Variants in CDK13 observed in about 807,000 individuals in gnomAD.
CDK13 encodes the protein cyclin dependent kinase 13.
Under a neutral mutation model 137.6 loss-of-function variants are expected in CDK13, and 40 were observed. The observed-to-expected ratio is 0.29, with a 90% CI of 0.23 to 0.38. The LOEUF is 0.38. Ranked by LOEUF, CDK13 falls within the 10% of genes least tolerant of loss-of-function variation. CDK13 has a pLI of 1.00. For missense variants in CDK13, 1,704 were observed against 1,951.8 expected (o/e 0.87, Z 2.39); for synonymous variants, 869 against 760.1 (o/e 1.14, Z -2.36).
chr7:40,032,999 G>C lies in CDK13; in HGVS notation c.2354-12837G>C, dbSNP rs148045671. ...TTGGGAAAGAACTGACGTCTTGACA[G>C]TGTGGAGTCTGTCTATGTGCATGGC... On this transcript the variant is annotated intron_variant, in intron 5 of 13. Coordinates refer to ENST00000181839, the MANE Select transcript of CDK13 (RefSeq NM_003718.5). Among the ~76,000 whole-genome samples the C allele has an allele frequency of 2.6e-5, 4 of 152,310 alleles. No individual in the cohort carries two copies. In the East Asian group the frequency reaches 7.7e-4, roughly 29 times the overall value.
At chr7:40,090,398 G>T (rs1786894792) in intron 12 of CDK13, among the ~76,000 whole-genome samples, 1 of 152,042 alleles carries the variant, frequency 6.6e-6, no homozygotes, top group Admixed American at 6.5e-5. Context: ...CTGTCACCCA[G>T]GCTGGAGTAC....
chr7:40,045,791 G>T (rs1328770405), intron 5 of CDK13, 45 bp from the exon 6 acceptor site: 1 of 1,297,130 alleles, frequency 7.7e-7, no homozygotes, highest in Non-Finnish European at 1.1e-6. Flanking sequence ...TTATGGAAAG[G>T]TTGTAGGAAT....
intron 1 of CDK13, among the ~76,000 whole-genome samples, chr7:39,975,270 C>T (rs536610735): frequency 5.3e-5 from 8 of 152,050 alleles, no homozygotes; most frequent in South Asian, 2.1e-4. Flanking sequence ...AAAAATTTGC[C>T]GGGCCTGGTG....
rs145754929 is a variant in CDK13, at chr7:39,960,130, T to A, written c.1211+8278T>A. The stretch of plus-strand genomic sequence containing the variant: ...GTCCATACATTTATCTTGGAATGCT[T>A]TGTTAGTTCTGCTTGCTTTTAGATT... On this transcript the variant is annotated intron_variant, in intron 1 of 13. Transcript: ENST00000181839. 2.1e-3 allele frequency among the ~76,000 whole-genome samples: 326 copies of A among 152,088 alleles called. 1 individual carries two copies. Among genetic ancestry groups the A allele is most frequent in the African/African-American group, 7.4e-3 (308 of 41,528 alleles).
At position 40,083,595 on chromosome 7, in the gene CDK13, T is replaced by C. The variant is rs60863688; in HGVS notation, c.3030-4531T>C. On this transcript the variant is annotated intron_variant, in intron 11 of 13. Coordinates refer to ENST00000181839, the MANE Select transcript of CDK13 (RefSeq NM_003718.5). ...ACTTGGAACTATAGGTTTATCCCACTCAATTTATGGGAAATGCCTACCTTA... is the reference window on the plus strand; with the variant it reads ...ACTTGGAACTATAGGTTTATCCCACCCAATTTATGGGAAATGCCTACCTTA... Among the ~76,000 whole-genome samples, 173 of 152,334 alleles carry C rather than the reference T, an allele frequency of 1.1e-3. 4 individuals are homozygous for C. The East Asian group carries it at 0.028, about 25-fold the overall frequency.
intron 7 of CDK13, among the ~76,000 whole-genome samples, chr7:40,057,505 T>G (rs1282510808): frequency 6.6e-6 from 1 of 152,094 alleles, no homozygotes; most frequent in Non-Finnish European, 1.5e-5. Context: ...TGGAGAGCAC[T>G]TGGTCATGTG....
At chr7:40,020,911 T>A (rs1485178468) in intron 5 of CDK13, among the ~76,000 whole-genome samples, 1 of 151,426 alleles carries the variant, frequency 6.6e-6, no homozygotes, top group Non-Finnish European at 1.5e-5. Flanking sequence ...GCCAACATGG[T>A]GAAACACCAT....
chr7:39,993,795 A>G (rs554428481), intron 2 of CDK13, among the ~76,000 whole-genome samples: 1 of 152,096 alleles, frequency 6.6e-6, no homozygotes, highest in Admixed American at 6.5e-5. Flanking sequence ...TATTTAGGTA[A>G]TTTTTATAGG....
chr7:39,978,342 GT>G (rs1407359865), intron 1 of CDK13, among the ~76,000 whole-genome samples: 3 of 151,542 alleles, frequency 2.0e-5, no homozygotes, highest in East Asian at 3.9e-4. Context: ...AGACAGTGAC[GT>G]TTTTTTCTTT....
At chr7:40,073,663 C>T (rs1423761076) in intron 9 of CDK13, 4 of 151,342 alleles carry the variant, frequency 2.6e-5, no homozygotes, top group African/African-American at 9.7e-5. Context: ...GCAATCTCGG[C>T]TCACTGCAAC....
rs201619753 is a variant in CDK13, at chr7:40,094,204, C to T, written c.3763C>T (p.Leu1255=). The T allele has an allele frequency of 2.9e-5, 47 of 1,613,868 alleles. No homozygotes were observed. In the African/African-American group the frequency reaches 5.2e-4, roughly 18 times the overall value. ...GCCAGAACCAGACCGGCCTCGAATT[C>T]TGCCTCCTGACCAACGACCTCCCGA... The part of the protein sequence containing the change: ...LTPEPDRPRI[L]PPDQRPPEPP... The change falls in exon 14 of 14, where the codon CTG becomes TTG. Residue 1255 remains leucine, a synonymous_variant. Transcript: ENST00000181839.
intron 11 of CDK13, among the ~76,000 whole-genome samples, chr7:40,080,661 C>T (rs932169310): frequency 1.3e-5 from 2 of 152,120 alleles, no homozygotes; most frequent in South Asian, 4.1e-4. Flanking sequence ...CTCAGTACCC[C>T]TTCAAATAAC....
chr7:40,001,587 A>G (rs141938458), intron 4 of CDK13, among the ~76,000 whole-genome samples: 1 of 152,294 alleles, frequency 6.6e-6, no homozygotes, highest in African/African-American at 2.4e-5. Context: ...CACTAAATAT[A>G]TAAATGGGGA....
intron 6 of CDK13, among the ~76,000 whole-genome samples, chr7:40,047,012 CAAAA>C (rs398040131): frequency 3.0e-5 from 2 of 65,824 alleles, no homozygotes; most frequent in African/African-American, 5.9e-5. Context: ...GACTCGGTCT[CAAAA>C]AAAAAAAAAA....
At chr7:39,968,610 G>A (rs375557893) in intron 1 of CDK13, among the ~76,000 whole-genome samples, 102 of 152,334 alleles carry the variant, frequency 6.7e-4, no homozygotes, top group Middle Eastern at 3.4e-3. Flanking sequence ...AAAATCAGTT[G>A]ACTATAAATG....
At position 40,094,427 on chromosome 7, in the gene CDK13, AC is replaced by A; in HGVS notation, c.3987del (p.Tyr1329Ter). ...GGIDYQAGDTYVSTSDYKDNF... is the reference protein window; with the variant it reads ...GGIDYQAGDTXVSTSDYKDNF... ...ATTGATTATCAAGCAGGAGACACTT[AC>A]GTGTCCACTTCAGACTACAAGGACA... On this transcript the variant is annotated frameshift_variant, in exon 14 of 14. Coordinates refer to ENST00000181839, the MANE Select transcript of CDK13 (RefSeq NM_003718.5). LOFTEE classifies it high-confidence loss of function. 6.2e-7 allele frequency: 1 copy of A among 1,614,044 alleles called. No individual in the cohort carries two copies. Among genetic ancestry groups the A allele is most frequent in the Non-Finnish European group, 8.5e-7 (1 of 1,180,028 alleles).
intron 5 of CDK13, among the ~76,000 whole-genome samples, chr7:40,029,982 G>A (rs1453866391): frequency 6.6e-6 from 1 of 152,126 alleles, no homozygotes; most frequent in South Asian, 2.1e-4. Flanking sequence ...TGAAGTAGTG[G>A]ATAAGGACAC....
At chr7:40,055,774 G>T (rs1026968793) in intron 7 of CDK13, among the ~76,000 whole-genome samples, 1 of 151,706 alleles carries the variant, frequency 6.6e-6, no homozygotes, top group Non-Finnish European at 1.5e-5. Flanking sequence ...TAGAGGTGGG[G>T]TTTCACCATG....
chr7:40,055,156 CTGTGTGTGTGTGTGTGTGTGTG>C (rs56001601), intron 7 of CDK13, among the ~76,000 whole-genome samples: 1 of 140,436 alleles, frequency 7.1e-6, no homozygotes, highest in South Asian at 2.3e-4. Flanking sequence ...GGCAGAAGGA[CTGTGTGTGTGTGTGTGTGTGTG>C]TGTGTGTGTG....
Sources: allele counts gnomAD v4.1 joint callset (sites outside exome capture counted in the v4.1 genomes callset), GRCh38; gene constraint gnomAD v4.1.1; transcripts MANE v1.5; gene names NCBI Gene and HGNC (gene_info 2026-07-23, HGNC 2026-07-21).